Variants in MAP2K5 observed in about 807,000 individuals in gnomAD.
The protein encoded by MAP2K5 is dual specificity mitogen-activated protein kinase kinase 5.
Under a neutral mutation model 83.1 loss-of-function variants are expected in MAP2K5, and 49 were observed. The observed-to-expected ratio is 0.59, with a 90% CI of 0.47 to 0.75. MAP2K5 has a LOEUF of 0.75. MAP2K5 is among the 30% of genes least tolerant of loss of function. The probability of loss-of-function intolerance (pLI) is 0.00; values close to 1 mark genes in which losing one functional copy is unlikely to be tolerated. For missense variants in MAP2K5, 457 were observed against 557.5 expected (o/e 0.82, Z 1.82); for synonymous variants, 202 against 191.8 (o/e 1.05, Z -0.44).
intron 21 of MAP2K5, among the ~76,000 whole-genome samples, chr15:67,803,891 G>A (rs2090749537): frequency 6.6e-6 from 1 of 152,238 alleles, no homozygotes; most frequent in African/African-American, 2.4e-5. Context: ...GTGGGTTTGG[G>A]TTACAGACTT....
chr15:67,697,937 G>A (rs2088307784), intron 15 of MAP2K5, among the ~76,000 whole-genome samples: 1 of 152,212 alleles, frequency 6.6e-6, no homozygotes, highest in African/African-American at 2.4e-5. Flanking sequence ...CAATGTGCTT[G>A]TAGGAGACTT....
intron 3 of MAP2K5, among the ~76,000 whole-genome samples, chr15:67,576,799 T>C (rs2085072469): frequency 6.8e-6 from 1 of 147,818 alleles, no homozygotes; most frequent in Non-Finnish European, 1.5e-5. Flanking sequence ...GTTTGCTTAA[T>C]ATTGTTTCAA....
Position 67,572,518 on chromosome 15 carries a change from G to C in MAP2K5, c.253-8236G>C, listed in dbSNP as rs2084969112. ...AAGAAAGTAAAGTGGTGAAAGAATA[G>C]CTACTCACTCCATAGAGTAGGACGT... is the stretch of plus-strand genomic sequence containing the variant. On this transcript the variant is annotated intron_variant, in intron 3 of 21. Transcript: ENST00000178640. This position sits in a 1 kb window ranked among gnomAD's most constrained non-coding sequence, Gnocchi z 4.2. Among the ~76,000 whole-genome samples, 3 of 152,094 alleles carry C rather than the reference G, an allele frequency of 2.0e-5. No individual in the cohort carries two copies. The highest frequency in any genetic ancestry group is 2.9e-5 in the Non-Finnish European group (2 of 68,006).
chr15:67,751,682 G>A (rs542725129), intron 19 of MAP2K5, among the ~76,000 whole-genome samples: 3 of 152,216 alleles, frequency 2.0e-5, no homozygotes, highest in Non-Finnish European at 2.9e-5. Flanking sequence ...TTGACGGAGT[G>A]TGGTGAATAT....
chr15:67,623,672 A>G (rs982621201), intron 8 of MAP2K5, among the ~76,000 whole-genome samples: 2 of 148,156 alleles, frequency 1.3e-5, no homozygotes, highest in African/African-American at 2.5e-5. Flanking sequence ...ATCTCGGCTC[A>G]TCGTAACCTC....
chr15:67,588,860 A>G (rs1016561554), intron 6 of MAP2K5, among the ~76,000 whole-genome samples: 2 of 152,220 alleles, frequency 1.3e-5, no homozygotes, highest in Admixed American at 6.5e-5. Flanking sequence ...CTGTTGTCCA[A>G]GTTAGAGTGC....
At chr15:67,797,305 A>G (rs2090621564) in intron 21 of MAP2K5, among the ~76,000 whole-genome samples, 1 of 152,124 alleles carries the variant, frequency 6.6e-6, no homozygotes, top group African/African-American at 2.4e-5. Flanking sequence ...CCTCATTGTG[A>G]TTGTATTCCT....
intron 8 of MAP2K5, among the ~76,000 whole-genome samples, chr15:67,602,436 AT>A (rs1304259191): frequency 1.3e-5 from 2 of 152,212 alleles, no homozygotes; most frequent in East Asian, 3.8e-4. Context: ...TTCAAATGGA[AT>A]TTAAAAATGT....
chr15:67,646,705 A>T (rs2086839228), intron 11 of MAP2K5, among the ~76,000 whole-genome samples: 1 of 152,328 alleles, frequency 6.6e-6, no homozygotes, highest in East Asian at 1.9e-4. Flanking sequence ...AATAGAACAG[A>T]TTAAATGCTA....
intron 7 of MAP2K5, among the ~76,000 whole-genome samples, chr15:67,596,493 T>C (rs1788261828): frequency 6.6e-6 from 1 of 152,136 alleles, no homozygotes; most frequent in African/African-American, 2.4e-5. Flanking sequence ...TACTGTAAAA[T>C]TTAAAAAGTT....
Position 67,638,410 on chromosome 15 carries a change from T to A in MAP2K5, c.585+7483T>A, listed in dbSNP as rs2086648832. Among the ~76,000 whole-genome samples, 1 of 152,240 alleles carries A rather than the reference T, an allele frequency of 6.6e-6. No individual in the cohort carries two copies. Among genetic ancestry groups the A allele is most frequent in the Admixed American group, 6.5e-5 (1 of 15,288 alleles). On this transcript the variant is annotated intron_variant, in intron 9 of 21. Coordinates refer to ENST00000178640, the MANE Select transcript of MAP2K5 (RefSeq NM_145160.3). This position sits in a 1 kb window ranked among gnomAD's most constrained non-coding sequence, Gnocchi z 4.5. ...CTGCAGAGGACATGATCTCATTGTT[T>A]TTTATGACTGCATAGTATTCCATGG...
rs776432657 is a variant in MAP2K5 at position 67,750,704 on chromosome 15, A to T, written c.1134+2103A>T. On this transcript the variant is annotated intron_variant, in intron 19 of 21. Transcript: ENST00000178640. The surrounding 1 kb of genome is among the most constrained non-coding windows in gnomAD (Gnocchi z 4.2). Reference sequence around the variant, plus strand: ...TCTCAAACTTCCCTAACTGCTTGCCAGGGCTAAGTCTTCCCCTTTAGTTCC... The same window carrying T: ...TCTCAAACTTCCCTAACTGCTTGCCTGGGCTAAGTCTTCCCCTTTAGTTCC... Among the ~76,000 whole-genome samples, 9 of 152,190 alleles carry T rather than the reference A, an allele frequency of 5.9e-5. No homozygotes were observed. The highest frequency in any genetic ancestry group is 4.1e-4 in the South Asian group (2 of 4,834).
intron 15 of MAP2K5, among the ~76,000 whole-genome samples, chr15:67,694,907 C>T (rs1418038938): frequency 7.9e-5 from 12 of 152,122 alleles, no homozygotes; most frequent in African/African-American, 2.4e-4. Flanking sequence ...GGCACATATA[C>T]ACCATGGAAT....
intron 16 of MAP2K5, among the ~76,000 whole-genome samples, chr15:67,723,342 A>G (rs1181603911): frequency 6.6e-6 from 1 of 152,190 alleles, no homozygotes; most frequent in African/African-American, 2.4e-5. Context: ...AAATGCTGCT[A>G]ACTGAAGAGC....
intron 16 of MAP2K5, among the ~76,000 whole-genome samples, chr15:67,710,497 G>GTTTTTT (rs10609519): frequency 7.4e-5 from 6 of 81,028 alleles, no homozygotes; most frequent in Admixed American, 1.4e-4. Context: ...ATCTTCTGAA[G>GTTTTTT]TTTTTTTTTT....
At chr15:67,752,576 G>A (rs958172019) in intron 19 of MAP2K5, among the ~76,000 whole-genome samples, 2 of 151,730 alleles carry the variant, frequency 1.3e-5, no homozygotes, top group Admixed American at 6.6e-5. Flanking sequence ...TATTCGGGAG[G>A]CTGAGGCAGG....
intron 21 of MAP2K5, among the ~76,000 whole-genome samples, chr15:67,798,413 T>C (rs1171372293): frequency 6.6e-6 from 1 of 152,192 alleles, no homozygotes; most frequent in South Asian, 2.1e-4. Flanking sequence ...GACAAACTCA[T>C]GAGTGTCGGC....
intron 8 of MAP2K5, among the ~76,000 whole-genome samples, chr15:67,620,900 G>T (rs977476934): frequency 6.6e-6 from 1 of 152,124 alleles, no homozygotes; most frequent in Non-Finnish European, 1.5e-5. Context: ...TAGAGGAAGA[G>T]AAGTCGATAG....
At chr15:67,616,508 G>A (rs2086059692) in intron 8 of MAP2K5, among the ~76,000 whole-genome samples, 1 of 152,138 alleles carries the variant, frequency 6.6e-6, no homozygotes, top group Admixed American at 6.5e-5. Flanking sequence ...GGCATTCAGA[G>A]AATAGAGAAT....
Sources: allele counts gnomAD v4.1 joint callset (sites outside exome capture counted in the v4.1 genomes callset), GRCh38; gene constraint gnomAD v4.1.1; non-coding constraint Gnocchi (gnomAD v3.1); transcripts MANE v1.5; gene names NCBI Gene and HGNC (gene_info 2026-07-23, HGNC 2026-07-21).